Variants in RALGAPA2 observed in about 807,000 individuals in gnomAD.
RALGAPA2 encodes the protein ral GTPase-activating protein subunit alpha-2.
RALGAPA2 carries 139 observed loss-of-function variants against 230.4 expected under a neutral mutation model. The observed-to-expected ratio is 0.60, with a 90% CI of 0.53 to 0.69. The LOEUF is 0.69. RALGAPA2 is among the 30% of genes least tolerant of loss of function. The probability of loss-of-function intolerance (pLI) is 0.00; values close to 1 mark genes in which losing one functional copy is unlikely to be tolerated. For missense variants in RALGAPA2, 2,163 were observed against 2,276.0 expected, an observed-to-expected ratio of 0.95 and a Z score of 1.01; for synonymous variants, 847 against 837.8, an observed-to-expected ratio of 1.01 and a Z score of -0.19.
chr20:20,453,289 C>T (rs558787333), intron 37 of RALGAPA2, among the ~76,000 whole-genome samples: 1 of 152,260 alleles, frequency 6.6e-6, no homozygotes, highest in Admixed American at 6.5e-5. Context: ...TCTTGTTCTT[C>T]TCACACAAGA....
Position 20,524,326 on chromosome 20 carries a change from T to C in RALGAPA2, c.3900+80A>G, listed in dbSNP as rs1034835379. The C allele has an allele frequency of 2.2e-5, 34 of 1,541,820 alleles. No homozygotes were observed. The Admixed American group carries it at 5.8e-4, about 26-fold the overall frequency. On this transcript the variant is annotated intron_variant, in intron 30 of 39. Transcript: ENST00000202677. The stretch of plus-strand genomic sequence containing the variant: ...TTTCAAAAGGGCAATGACAAATAAG[T>C]ACATGCATAAGACATATTTTGGTGG...
At chr20:20,639,967 T>C (rs2066978680) in intron 6 of RALGAPA2, 67 bp from the exon 7 acceptor site, 5 of 1,206,786 alleles carry the variant, frequency 4.1e-6, no homozygotes, top group South Asian at 2.4e-5. Flanking sequence ...TTTAGGGTTT[T>C]AAAAATGGTC....
At chr20:20,503,064 AG>A (rs1287142977) in intron 35 of RALGAPA2, among the ~76,000 whole-genome samples, 1 of 152,198 alleles carries the variant, frequency 6.6e-6, no homozygotes, top group Non-Finnish European at 1.5e-5. Context: ...CAAGCCTCAG[AG>A]GGGCCTGCTT....
intron 3 of RALGAPA2, among the ~76,000 whole-genome samples, chr20:20,655,023 G>C (rs2067539449): frequency 6.6e-6 from 1 of 152,022 alleles, no homozygotes; most frequent in Admixed American, 6.5e-5. Flanking sequence ...TCATAAACTT[G>C]TTGGCCAAAT....
intron 38 of RALGAPA2, among the ~76,000 whole-genome samples, chr20:20,406,493 TCCAA>T (rs73617301): frequency 0.016 from 2,393 of 152,324 alleles, 67 homozygotes; most frequent in East Asian, 0.11. Flanking sequence ...GAAACATCTG[TCCAA>T]GGCAGTTGTC....
intron 23 of RALGAPA2, among the ~76,000 whole-genome samples, chr20:20,557,583 A>G (rs1487524174): frequency 6.6e-6 from 1 of 152,236 alleles, no homozygotes; most frequent in Admixed American, 6.5e-5. Context: ...GCAAGGGCAT[A>G]GTAAAGATTT....
chr20:20,473,067 C>G (rs1022349232), intron 36 of RALGAPA2, 111 bp from the exon 37 acceptor site: 1 of 1,199,854 alleles, frequency 8.3e-7, no homozygotes, highest in South Asian at 1.6e-5. Context: ...AGCTGTCACC[C>G]ACAGAGCAGA....
At chr20:20,504,948 TA>T in intron 34 of RALGAPA2, 3 of 963,810 alleles carry the variant, frequency 3.1e-6, no homozygotes, top group Non-Finnish European at 2.5e-6. Flanking sequence ...TCCTGAAATC[TA>T]CCTTAGGGAA....
At position 20,689,494 on chromosome 20, in the gene RALGAPA2, C is replaced by T. The variant is rs901239984; in HGVS notation, c.107-8693G>A. The stretch of plus-strand genomic sequence containing the variant: ...CCGTCTCTACTAAAAATACAAAAAT[C>T]AGCTGGGCATGGTGGTGCACGCCTG... On this transcript the variant is annotated intron_variant, in intron 1 of 39. Coordinates refer to ENST00000202677, the MANE Select transcript of RALGAPA2 (RefSeq NM_020343.4). 3.9e-5 allele frequency among the ~76,000 whole-genome samples: 6 copies of T among 152,016 alleles called. 1 individual carries two copies. The highest frequency in any genetic ancestry group is 1.5e-4 in the African/African-American group (6 of 41,376).
At chr20:20,458,498 AT>A (rs2061185766) in intron 37 of RALGAPA2, among the ~76,000 whole-genome samples, 2 of 137,626 alleles carry the variant, frequency 1.5e-5, no homozygotes, top group South Asian at 2.2e-4. Flanking sequence ...TTTTATATAT[AT>A]TATATATAAT....
intron 38 of RALGAPA2, among the ~76,000 whole-genome samples, chr20:20,410,665 T>C (rs1029288770): frequency 1.3e-5 from 2 of 152,256 alleles, no homozygotes; most frequent in Admixed American, 6.5e-5. Flanking sequence ...AGATAGAATG[T>C]TGGCAGAGTG....
intron 16 of RALGAPA2, among the ~76,000 whole-genome samples, chr20:20,592,103 C>T (rs6046948): frequency 0.017 from 2,520 of 152,238 alleles, 93 homozygotes; most frequent in East Asian, 0.14. Flanking sequence ...GTTGCACCAC[C>T]TTTTACGTAG....
At chr20:20,597,106 G>C (rs1447159475) in intron 16 of RALGAPA2, among the ~76,000 whole-genome samples, 1 of 152,126 alleles carries the variant, frequency 6.6e-6, no homozygotes, top group East Asian at 1.9e-4. Flanking sequence ...GATTTCTTGT[G>C]GGAACATGTT....
At chr20:20,654,626 C>G (rs2067523090) in intron 3 of RALGAPA2, among the ~76,000 whole-genome samples, 1 of 152,204 alleles carries the variant, frequency 6.6e-6, no homozygotes. Context: ...ACCACATTTT[C>G]TATATCCATT....
rs538256866 is a variant in RALGAPA2, at chr20:20,476,227, C to T, written c.5368-3271G>A. ...TTAAAAAATATACATGTACCGAATA[C>T]TTCTAAGTTCATAAGGAAATGAAAA... On this transcript the variant is annotated intron_variant, in intron 36 of 39. Transcript: ENST00000202677. 1.0e-3 allele frequency among the ~76,000 whole-genome samples: 158 copies of T among 152,170 alleles called. 1 individual carries two copies. Among genetic ancestry groups the T allele is most frequent in the African/African-American group, 3.6e-3 (151 of 41,508 alleles).
chr20:20,513,456 GA>G (rs2062776287), intron 31 of RALGAPA2, among the ~76,000 whole-genome samples, 172 bp from the exon 32 acceptor site: 1 of 152,132 alleles, frequency 6.6e-6, no homozygotes, highest in Admixed American at 6.5e-5. Flanking sequence ...TCAACTCTCT[GA>G]GCTTTAATTC....
At chr20:20,564,270 A>G (rs1406592472) in intron 23 of RALGAPA2, among the ~76,000 whole-genome samples, 4 of 152,222 alleles carry the variant, frequency 2.6e-5, no homozygotes, top group African/African-American at 9.6e-5. Flanking sequence ...AAAGTTCTGT[A>G]TCTTTGATGT....
intron 4 of RALGAPA2, among the ~76,000 whole-genome samples, chr20:20,643,811 C>A (rs1240681642): frequency 6.6e-6 from 1 of 151,500 alleles, no homozygotes; most frequent in East Asian, 1.9e-4. Flanking sequence ...GTGGATTATG[C>A]GCATATATCT....
chr20:20,458,464 T>TTTATA (rs2061179879), intron 37 of RALGAPA2, among the ~76,000 whole-genome samples: 2 of 135,008 alleles, frequency 1.5e-5, no homozygotes, highest in Non-Finnish European at 3.1e-5. Flanking sequence ...ATATGTATTT[T>TTTATA]ATATAATATA....
Sources: gnomAD v4.1 joint callset for allele counts (sites outside exome capture counted in the v4.1 genomes callset) on GRCh38, gnomAD v4.1.1 for gene constraint, MANE v1.5 for transcripts, NCBI Gene and HGNC (gene_info 2026-07-23, HGNC 2026-07-21) for gene names.